SPOCK3: variants seen among roughly 807,000 people sequenced by gnomAD.
SPOCK3 encodes the protein SPARC (osteonectin), cwcv and kazal like domains proteoglycan 3.
In SPOCK3, 30 loss-of-function variants were observed where a neutral mutation model predicts 56.6. That is an observed-to-expected ratio of 0.53 (90% confidence interval 0.40 to 0.72). The LOEUF (loss-of-function observed/expected upper bound fraction) is 0.72, where lower values mean the gene tolerates loss of function less well. Among genes scored for constraint, SPOCK3 ranks in the 30% least tolerant of loss-of-function variants. The probability of loss-of-function intolerance (pLI) is 0.00; values close to 1 mark genes in which losing one functional copy is unlikely to be tolerated. For missense variants in SPOCK3, 527 were observed against 530.0 expected, an observed-to-expected ratio of 0.99 and a Z score of 0.06; for synonymous variants, 196 against 183.3, an observed-to-expected ratio of 1.07 and a Z score of -0.56.
chr4:167,058,682 C>T (rs1055188489), intron 3 of SPOCK3, among the ~76,000 whole-genome samples: 126 of 152,122 alleles, frequency 8.3e-4, no homozygotes, highest in Middle Eastern at 3.4e-3. Flanking sequence ...AAAAAGAGCC[C>T]GCATCGCCAA....
At chr4:167,011,985 C>T (rs1430657068) in intron 3 of SPOCK3, among the ~76,000 whole-genome samples, 2 of 151,464 alleles carry the variant, frequency 1.3e-5, no homozygotes, top group African/African-American at 4.8e-5. Flanking sequence ...TTCTACTCTC[C>T]ATTCATTCTT....
chr4:167,172,835 A>G (rs1321660973), intron 2 of SPOCK3, among the ~76,000 whole-genome samples: 1 of 152,144 alleles, frequency 6.6e-6, no homozygotes, highest in East Asian at 1.9e-4. Flanking sequence ...ACAATTCACC[A>G]AAGGTTTCAG....
chr4:166,984,920 G>T (rs1383451537), intron 4 of SPOCK3, among the ~76,000 whole-genome samples: 1 of 151,936 alleles, frequency 6.6e-6, no homozygotes, highest in Non-Finnish European at 1.5e-5. Flanking sequence ...CATGCTTTTA[G>T]TTCCTTACAT....
chr4:167,085,371 A>G (rs1368562742), intron 2 of SPOCK3, among the ~76,000 whole-genome samples: 1 of 152,118 alleles, frequency 6.6e-6, no homozygotes, highest in Non-Finnish European at 1.5e-5. Context: ...CAGAAAGGTC[A>G]TATTGGTTGT....
At chr4:166,969,599 T>C (rs1038776378) in intron 4 of SPOCK3, among the ~76,000 whole-genome samples, 3 of 147,570 alleles carry the variant, frequency 2.0e-5, no homozygotes, top group African/African-American at 7.4e-5. Flanking sequence ...TCTGCTGCCA[T>C]GGGAAGATGT....
intron 2 of SPOCK3, among the ~76,000 whole-genome samples, chr4:167,068,294 C>T (rs1485816228): frequency 4.2e-3 from 1 of 240 alleles, no homozygotes; most frequent in African/African-American, 5.6e-3. Context: ...CTACCATTTA[C>T]TCTGATTTCA....
intron 6 of SPOCK3, among the ~76,000 whole-genome samples, chr4:166,878,326 A>C (rs930010865): frequency 2.9e-4 from 44 of 152,084 alleles, no homozygotes; most frequent in African/African-American, 9.7e-4. Context: ...AAGGAGAGAA[A>C]AATAAATGAT....
At chr4:167,177,833 T>C (rs1731116371) in intron 2 of SPOCK3, among the ~76,000 whole-genome samples, 1 of 152,164 alleles carries the variant, frequency 6.6e-6, no homozygotes, top group African/African-American at 2.4e-5. Context: ...GAGATTTCTT[T>C]ATGTCTCATA....
chr4:167,095,231 A>G (rs13124945), intron 2 of SPOCK3, among the ~76,000 whole-genome samples: 4,896 of 152,212 alleles, frequency 0.032, 102 homozygotes, highest in Middle Eastern at 0.078. Flanking sequence ...GGCCTAGTCA[A>G]GCTGACACAT....
intron 2 of SPOCK3, among the ~76,000 whole-genome samples, chr4:167,082,193 T>G (rs1757768824): frequency 6.6e-6 from 1 of 152,218 alleles, no homozygotes; most frequent in South Asian, 2.1e-4. Context: ...AATCCCCTAG[T>G]CAGGAATCAA....
chr4:166,908,000 C>T (rs373388443), intron 5 of SPOCK3, among the ~76,000 whole-genome samples: 1 of 151,816 alleles, frequency 6.6e-6, no homozygotes, highest in Non-Finnish European at 1.5e-5. Flanking sequence ...TCTAAATATT[C>T]AGAGGAAAGA....
chr4:166,775,518 T>G (rs1329536484), intron 7 of SPOCK3, among the ~76,000 whole-genome samples: 1 of 152,184 alleles, frequency 6.6e-6, no homozygotes, highest in Non-Finnish European at 1.5e-5. Flanking sequence ...AAGTTAAATG[T>G]AAGATTCTGG....
At chr4:166,764,653 T>C (rs558113117) in intron 7 of SPOCK3, among the ~76,000 whole-genome samples, 1 of 152,290 alleles carries the variant, frequency 6.6e-6, no homozygotes, top group South Asian at 2.1e-4. Context: ...TAAACATACA[T>C]GTGCATGTGC....
chr4:167,131,145 G>A (rs1177336276), intron 2 of SPOCK3, among the ~76,000 whole-genome samples: 1 of 151,344 alleles, frequency 6.6e-6, no homozygotes, highest in African/African-American at 2.4e-5. Flanking sequence ...ATCTCATGGT[G>A]AGTGACATAG....
intron 2 of SPOCK3, among the ~76,000 whole-genome samples, chr4:167,196,756 G>T (rs879355576): frequency 4.6e-5 from 7 of 151,836 alleles, no homozygotes; most frequent in Non-Finnish European, 8.8e-5. Flanking sequence ...TATATTATCA[G>T]GGTCCACTCT....
At chr4:167,056,236 T>C (rs1322520208) in intron 3 of SPOCK3, among the ~76,000 whole-genome samples, 1 of 152,190 alleles carries the variant, frequency 6.6e-6, no homozygotes. Flanking sequence ...GATCTGCAGC[T>C]GAGGGTCCTG....
chr4:166,910,986 T>C (rs1400556522), intron 5 of SPOCK3, among the ~76,000 whole-genome samples: 1 of 152,152 alleles, frequency 6.6e-6, no homozygotes, highest in African/African-American at 2.4e-5. Flanking sequence ...GCAAAATGAT[T>C]TATACATCAT....
In SPOCK3 at chr4:167,069,939, T is replaced by G. The variant is rs1236245981; in HGVS notation, c.190-7402A>C. ...CACTGGCTTGTTTTCCCTTCTGGATTTTTCATTCATTCCCTACTGCTCATC... is the reference window on the plus strand; with the variant it reads ...CACTGGCTTGTTTTCCCTTCTGGATGTTTCATTCATTCCCTACTGCTCATC... On this transcript the variant is annotated intron_variant, in intron 2 of 10. Transcript: ENST00000357545. Among the ~76,000 whole-genome samples the G allele has an allele frequency of 3.3e-5, 5 of 151,952 alleles. No homozygotes were observed. In the East Asian group the frequency reaches 9.7e-4, roughly 30 times the overall value.
chr4:166,853,700 T>C (rs900439778), intron 6 of SPOCK3, among the ~76,000 whole-genome samples: 1 of 152,056 alleles, frequency 6.6e-6, no homozygotes, highest in Non-Finnish European at 1.5e-5. Flanking sequence ...CTGGCCAACA[T>C]GGCAAAAAGC....
Sources: gnomAD v4.1 joint callset for allele counts (sites outside exome capture counted in the v4.1 genomes callset) on GRCh38, gnomAD v4.1.1 for gene constraint, MANE v1.5 for transcripts, NCBI Gene and HGNC (gene_info 2026-07-23, HGNC 2026-07-21) for gene names.